USH2A: variants seen among roughly 807,000 people sequenced by gnomAD.
USH2A encodes usherin, also known as Usher syndrome 2A (autosomal recessive, mild).
USH2A carries 443 observed loss-of-function variants against 538.9 expected under a neutral mutation model. The observed-to-expected ratio is 0.82, with a 90% CI of 0.76 to 0.89. The LOEUF (loss-of-function observed/expected upper bound fraction) is 0.89, where lower values mean the gene tolerates loss of function less well. Ranked by LOEUF, USH2A falls within the 40% of genes least tolerant of loss-of-function variation. The probability of loss-of-function intolerance (pLI) is 0.00; values close to 1 mark genes in which losing one functional copy is unlikely to be tolerated. For synonymous variants in USH2A, 2,413 were observed against 2,273.5 expected (o/e 1.06, Z -1.75); for missense variants, 6,633 against 6,324.8 (o/e 1.05, Z -1.65).
At position 215,648,556 on chromosome 1, in the gene USH2A, G is replaced by A. The variant is rs1366348333; in HGVS notation, c.14554C>T (p.Pro4852Ser). ...TGAATGACACCATTGGGGAACATGGGGGGACTCCACCGGAAGGAGGCCGTC... is the reference window on the plus strand; with the variant it reads ...TGAATGACACCATTGGGGAACATGGAGGGACTCCACCGGAAGGAGGCCGTC... ...SRTASFRWSP[P>S]MFPNGVIHSY... Residue 4852 changes from proline to serine, a missense_variant, in exon 66 of 72, where the codon CCC becomes TCC. Pro to Ser is a moderately conservative substitution (Grantham distance 74, BLOSUM62 -1). Transcript: ENST00000307340. The A allele has an allele frequency of 1.9e-6, 3 of 1,614,054 alleles. No individual in the cohort carries two copies. The highest frequency in any genetic ancestry group is 4.5e-5 in the East Asian group (2 of 44,884).
At chr1:216,001,551 T>A (rs1668266354) in intron 32 of USH2A, among the ~76,000 whole-genome samples, 1 of 152,184 alleles carries the variant, frequency 6.6e-6, no homozygotes, top group Non-Finnish European at 1.5e-5. Context: ...TTCAGTCAGG[T>A]GTACCAAGAC....
intron 3 of USH2A, among the ~76,000 whole-genome samples, chr1:216,417,370 T>C (rs572221065): frequency 6.6e-6 from 1 of 152,192 alleles, no homozygotes; most frequent in South Asian, 2.1e-4. Context: ...ACTGGATGGA[T>C]GCTCATATGA....
Position 216,246,703 on chromosome 1 carries a change from G to T in USH2A, c.2691C>A (p.Cys897Ter). 6.2e-7 allele frequency: 1 copy of T among 1,614,058 alleles called. No homozygotes were observed. The highest frequency in any genetic ancestry group is 8.5e-7 in the Non-Finnish European group (1 of 1,179,980). ...CCAAGGAATCACACTCACACATCTG[G>T]CAGTGTTGAAAATTGTCAATGGTCA... Reference protein sequence around the residue: ...YNLTIDNFQHCQMCECDSLGT... With the variant: ...YNLTIDNFQH The change falls in exon 13 of 72, where the codon TGC (cysteine) becomes TGA (stop). Residue 897 changes from cysteine (C) to a stop codon, truncating the protein, a stop_gained. Transcript: ENST00000307340. LOFTEE classifies it high-confidence loss of function.
chr1:216,009,038 C>T (rs1313906462), intron 32 of USH2A, among the ~76,000 whole-genome samples: 1 of 152,022 alleles, frequency 6.6e-6, no homozygotes, highest in African/African-American at 2.4e-5. Flanking sequence ...ATCCCAACCT[C>T]GTATCTCTGT....
chr1:216,261,169 G>T (rs2036363152), intron 11 of USH2A, among the ~76,000 whole-genome samples: 1 of 151,784 alleles, frequency 6.6e-6, no homozygotes, highest in African/African-American at 2.4e-5. Flanking sequence ...ACAATGCAGG[G>T]AATTAGAGAT....
At chr1:216,189,739 A>G (rs973906315) in intron 20 of USH2A, among the ~76,000 whole-genome samples, 8 of 151,884 alleles carry the variant, frequency 5.3e-5, no homozygotes, top group Non-Finnish European at 1.5e-5. Context: ...AGATGTTCCC[A>G]TGGATCAGGA....
chr1:215,634,896 C>T (rs1656427749), intron 69 of USH2A, among the ~76,000 whole-genome samples, 193 bp from the exon 70 acceptor site: 1 of 152,230 alleles, frequency 6.6e-6, no homozygotes, highest in Non-Finnish European at 1.5e-5. Context: ...GAGATGCTTA[C>T]AGCCCTTGAG....
intron 11 of USH2A, among the ~76,000 whole-genome samples, chr1:216,260,693 C>T (rs1348146760): frequency 6.6e-6 from 1 of 152,122 alleles, no homozygotes; most frequent in African/African-American, 2.4e-5. Context: ...CAAACTAATC[C>T]TACTCCACAG....
At position 216,060,765 on chromosome 1, in the gene USH2A, G is replaced by T. The variant is rs139068339; in HGVS notation, c.6049+9336C>A. On this transcript the variant is annotated intron_variant, in intron 30 of 71. Transcript: ENST00000307340. ...AAGTTTACATGTTTAAACACCTTACGGAAAAAATAATTCGTATATGTGCGA... is the reference window on the plus strand; with the variant it reads ...AAGTTTACATGTTTAAACACCTTACTGAAAAAATAATTCGTATATGTGCGA... Among the ~76,000 whole-genome samples, 3 of 152,196 alleles carry T rather than the reference G, an allele frequency of 2.0e-5. No homozygotes were observed. In the East Asian group the frequency reaches 5.8e-4, roughly 29 times the overall value.
intron 35 of USH2A, among the ~76,000 whole-genome samples, chr1:215,973,013 T>A (rs1381111060): frequency 6.6e-6 from 1 of 152,120 alleles, no homozygotes; most frequent in African/African-American, 2.4e-5. Context: ...TATGATCAGG[T>A]AATAACAATG....
At chr1:216,358,779 C>T (rs941241123) in intron 4 of USH2A, among the ~76,000 whole-genome samples, 9 of 152,122 alleles carry the variant, frequency 5.9e-5, no homozygotes, top group African/African-American at 1.4e-4. Context: ...TGAAATAAAC[C>T]GGTTTCCTGT....
chr1:215,740,567 T>TC (rs2102724721), intron 60 of USH2A, among the ~76,000 whole-genome samples: 1 of 152,322 alleles, frequency 6.6e-6, no homozygotes, highest in South Asian at 2.1e-4. Flanking sequence ...AGCCCCTTTT[T>TC]CTGCTTATGA....
intron 44 of USH2A, among the ~76,000 whole-genome samples, chr1:215,846,873 T>C (rs1663864249): frequency 6.6e-6 from 1 of 152,182 alleles, no homozygotes; most frequent in Non-Finnish European, 1.5e-5. Flanking sequence ...CTTAGAAAGA[T>C]ATCCTTTTAT....
chr1:215,872,590 G>GA (rs966462108), intron 43 of USH2A, among the ~76,000 whole-genome samples: 3 of 151,992 alleles, frequency 2.0e-5, no homozygotes, highest in African/African-American at 7.2e-5. Context: ...AACACTAGGG[G>GA]AAAAAAACCT....
intron 21 of USH2A, among the ~76,000 whole-genome samples, chr1:216,141,953 T>C (rs1340276880): frequency 1.4e-5 from 1 of 69,822 alleles, no homozygotes; most frequent in Non-Finnish European, 3.1e-5. Flanking sequence ...AATTAGGAAA[T>C]GAAAAAAAAA....
At position 215,743,437 on chromosome 1, in the gene USH2A, T is replaced by C. The variant is rs931106409; in HGVS notation, c.11390-102A>G. 1.7e-4 allele frequency: 55 copies of C among 328,684 alleles called. 5 individuals are homozygous for C. Among genetic ancestry groups the C allele is most frequent in the Middle Eastern group, 1.9e-3 (2 of 1,076 alleles). The allele number at this position is 328,684 out of a possible 1,614,324, so 20.4% of individuals were successfully genotyped here. On this transcript the variant is annotated intron_variant, in intron 58 of 71. Coordinates refer to ENST00000307340, the MANE Select transcript of USH2A (RefSeq NM_206933.4). ...GTGTGTATATATATATAGACACACATATATATATAAATAAATATATATAGA... is the reference window on the plus strand; with the variant it reads ...GTGTGTATATATATATAGACACACACATATATATAAATAAATATATATAGA...
At chr1:216,160,793 G>A (rs2034042632) in intron 21 of USH2A, among the ~76,000 whole-genome samples, 1 of 152,038 alleles carries the variant, frequency 6.6e-6, no homozygotes, top group South Asian at 2.1e-4. Context: ...ATCTTTGATA[G>A]TTATACTAAT....
intron 11 of USH2A, among the ~76,000 whole-genome samples, chr1:216,261,484 C>A (rs2036370906): frequency 1.4e-5 from 2 of 142,434 alleles, no homozygotes; most frequent in African/African-American, 2.6e-5. Flanking sequence ...AAAATCTCAA[C>A]TAAAAGATTA....
chr1:215,699,283 G>T (rs564268817), intron 61 of USH2A, among the ~76,000 whole-genome samples: 6 of 152,248 alleles, frequency 3.9e-5, no homozygotes, highest in African/African-American at 4.8e-5. Context: ...TTTTGCTTAA[G>T]ATTGTCTTGG....
Sources: gnomAD v4.1 joint callset for allele counts (sites outside exome capture counted in the v4.1 genomes callset) on GRCh38, gnomAD v4.1.1 for gene constraint, MANE v1.5 for transcripts, NCBI Gene and HGNC (gene_info 2026-07-23, HGNC 2026-07-21) for gene names.